The following NPSR1 variants were observed in gnomAD, a reference collection of about 807,000 sequenced individuals.
NPSR1 encodes neuropeptide S receptor.
A neutral mutation model predicts 46.9 loss-of-function variants in NPSR1; 48 were observed. That is an observed-to-expected ratio of 1.02 (90% confidence interval 0.81 to 1.30). NPSR1 has a LOEUF of 1.30. Among genes scored for constraint, NPSR1 ranks in the 50% most tolerant of loss-of-function variants. The pLI is 0.00. For missense variants in NPSR1, 450 were observed against 449.5 expected (o/e 1.00, Z -0.01); for synonymous variants, 176 against 168.1 (o/e 1.05, Z -0.36).
chr7:34,659,535 ACTT>A (rs1791349688), intron 1 of NPSR1, among the ~76,000 whole-genome samples: 1 of 152,176 alleles, frequency 6.6e-6, no homozygotes, highest in Non-Finnish European at 1.5e-5. Flanking sequence ...CTGGAAGTTC[ACTT>A]CTTTTGCAAA....
chr7:34,695,624 C>T (rs1222268821), intron 2 of NPSR1, among the ~76,000 whole-genome samples: 4 of 151,986 alleles, frequency 2.6e-5, no homozygotes, highest in Non-Finnish European at 5.9e-5. Context: ...CAAACAACCC[C>T]ATTAAAAACT....
chr7:34,672,443 C>A (rs1381964560), intron 1 of NPSR1, among the ~76,000 whole-genome samples: 1 of 152,138 alleles, frequency 6.6e-6, no homozygotes, highest in Non-Finnish European at 1.5e-5. Flanking sequence ...CACCAGTAAC[C>A]AGAAAACTGA....
At chr7:34,771,816 C>T (rs151214520) in intron 2 of NPSR1, among the ~76,000 whole-genome samples, 1 of 152,250 alleles carries the variant, frequency 6.6e-6, no homozygotes, top group East Asian at 1.9e-4. Context: ...GAGATTTTAT[C>T]TCAGTTTGTT....
intron 8 of NPSR1, among the ~76,000 whole-genome samples, chr7:34,849,070 A>G (rs548379335): frequency 3.3e-5 from 5 of 152,362 alleles, no homozygotes; most frequent in Non-Finnish European, 5.9e-5. Flanking sequence ...TAATTAGCAG[A>G]GCTGAAATTA....
rs561378587 is a variant in NPSR1 at position 34,759,965 on chromosome 7, A to G, written c.281-18497A>G. On this transcript the variant is annotated intron_variant, in intron 2 of 8. Transcript: ENST00000360581. ...CCTGAACTAATCTATCTTGTGTTCT[A>G]GTCTCTCAAGGATTGGCTTAGTTCT... Among the ~76,000 whole-genome samples the G allele has an allele frequency of 2.0e-5, 3 of 152,326 alleles. No homozygotes were observed. The South Asian group carries it at 6.2e-4, about 32-fold the overall frequency.
chr7:34,713,434 T>C (rs988367), intron 2 of NPSR1, among the ~76,000 whole-genome samples: 34,686 of 151,972 alleles, frequency 0.23, 4,216 homozygotes, highest in East Asian at 0.39. Context: ...AGGCCATCAG[T>C]AATCTCACTG....
At chr7:34,815,251 T>A (rs997881539) in intron 4 of NPSR1, among the ~76,000 whole-genome samples, 3 of 152,254 alleles carry the variant, frequency 2.0e-5, no homozygotes, top group Middle Eastern at 3.4e-3. Context: ...CTGAAAACCA[T>A]GGCACAAGAA....
chr7:34,845,696 C>T (rs905466017), intron 7 of NPSR1: 1 of 414,282 alleles, frequency 2.4e-6, no homozygotes. Context: ...TAGTCTGTCT[C>T]CCCTGTTGGA....
chr7:34,762,335 G>A (rs1686961948), intron 2 of NPSR1, among the ~76,000 whole-genome samples: 1 of 152,064 alleles, frequency 6.6e-6, no homozygotes, highest in African/African-American at 2.4e-5. Flanking sequence ...AGGCTTAGCT[G>A]GTACTTCATC....
intron 4 of NPSR1, among the ~76,000 whole-genome samples, chr7:34,823,055 G>A (rs960685288): frequency 6.6e-6 from 1 of 152,102 alleles, no homozygotes; most frequent in Admixed American, 6.6e-5. Context: ...TTCTAATTGA[G>A]TAAATGGGCA....
At position 34,679,496 on chromosome 7, in the gene NPSR1, TC is replaced by T. The variant is rs1792503751; in HGVS notation, c.148-5055del. 1.4e-4 allele frequency among the ~76,000 whole-genome samples: 13 copies of T among 92,882 alleles called. No homozygotes were observed. The Admixed American group carries it at 1.6e-3, about 12-fold the overall frequency. The allele number at this position is 92,882 out of a possible 152,430, so 60.9% of individuals were successfully genotyped here. A position where few individuals can be genotyped will look rare whatever the true frequency, so the allele number is the denominator to read the frequency against. On this transcript the variant is annotated intron_variant, in intron 1 of 8. Coordinates refer to ENST00000360581, the MANE Select transcript of NPSR1 (RefSeq NM_207172.2). Reference sequence around the variant, plus strand: ...GAAAAGAACAGTAAGCCCTCACTTATCATCCGAGTGTTTTGATAAGTTCTCG... The same window carrying T: ...GAAAAGAACAGTAAGCCCTCACTTATATCCGAGTGTTTTGATAAGTTCTCG...
At chr7:34,827,742 T>C (rs534086226) in intron 5 of NPSR1, 140 bp downstream of exon 5, 75 of 652,970 alleles carry the variant, frequency 1.1e-4, no homozygotes, top group Admixed American at 2.0e-4. Flanking sequence ...CAAGATTTTA[T>C]GTGTAGCTAC....
At chr7:34,709,953 G>A (rs1379133430) in intron 2 of NPSR1, among the ~76,000 whole-genome samples, 1 of 152,064 alleles carries the variant, frequency 6.6e-6, no homozygotes, top group African/African-American at 2.4e-5. Flanking sequence ...AGCACCTTCT[G>A]GGCTAGTTCC....
chr7:34,705,244 T>C (rs1470061141), intron 2 of NPSR1, among the ~76,000 whole-genome samples: 1 of 151,956 alleles, frequency 6.6e-6, no homozygotes, highest in African/African-American at 2.4e-5. Flanking sequence ...CTGGTCAATA[T>C]GGTGAAACCC....
chr7:34,713,712 T>C (rs1445810482), intron 2 of NPSR1, among the ~76,000 whole-genome samples: 1 of 152,158 alleles, frequency 6.6e-6, no homozygotes, highest in Non-Finnish European at 1.5e-5. Context: ...ATAAGCCTAT[T>C]GCTGGCAAAG....
At chr7:34,700,664 G>A (rs1793782594) in intron 2 of NPSR1, among the ~76,000 whole-genome samples, 1 of 152,066 alleles carries the variant, frequency 6.6e-6, no homozygotes, top group African/African-American at 2.4e-5. Flanking sequence ...TCACCTCTTT[G>A]AATTCACATT....
Position 34,658,239 on chromosome 7 carries a change from A to G in NPSR1, c.-174A>G. 1 of 643,402 alleles carries G rather than the reference A, an allele frequency of 1.6e-6. No individual in the cohort carries two copies. Among genetic ancestry groups the G allele is most frequent in the Non-Finnish European group, 2.7e-6 (1 of 377,020 alleles). The allele number at this position is 643,402 out of a possible 1,614,324, so 39.9% of individuals were successfully genotyped here. ...TGGTGGTAATTGCCAAGGAGAGAGCAGCACGTAGATCCTCCCTGTCATCAG... is the reference window on the plus strand; with the variant it reads ...TGGTGGTAATTGCCAAGGAGAGAGCGGCACGTAGATCCTCCCTGTCATCAG... On this transcript the variant is annotated 5_prime_UTR_variant, in exon 1 of 9. Transcript: ENST00000360581.
intron 1 of NPSR1, among the ~76,000 whole-genome samples, chr7:34,680,676 T>C (rs1177154572): frequency 1.3e-5 from 2 of 152,110 alleles, no homozygotes; most frequent in Admixed American, 6.6e-5. Flanking sequence ...GAGTACTATA[T>C]AGGAATAAAA....
At chr7:34,707,247 C>T (rs1396227185) in intron 2 of NPSR1, among the ~76,000 whole-genome samples, 1 of 152,156 alleles carries the variant, frequency 6.6e-6, no homozygotes, top group African/African-American at 2.4e-5. Context: ...TTCTAATGGT[C>T]CTTTGATTCT....
Sources: gnomAD v4.1 joint callset for allele counts (sites outside exome capture counted in the v4.1 genomes callset) on GRCh38, gnomAD v4.1.1 for gene constraint, MANE v1.5 for transcripts, NCBI Gene and HGNC (gene_info 2026-07-23, HGNC 2026-07-21) for gene names.